The following HMGA2 variants were observed in gnomAD, a reference collection of about 807,000 sequenced individuals.
The protein encoded by HMGA2 is high mobility group AT-hook 2.
HMGA2 carries 8 observed loss-of-function variants against 19.1 expected under a neutral mutation model. The ratio of observed to expected loss-of-function variants is 0.42; its 90% CI spans 0.25 to 0.76. The LOEUF (loss-of-function observed/expected upper bound fraction) is 0.76. HMGA2 is among the 30% of genes least tolerant of loss of function. The pLI, the probability that HMGA2 is intolerant of heterozygous loss-of-function variation, is 0.28. For missense variants in HMGA2, 109 were observed against 136.3 expected (o/e 0.80, Z 1.00); for synonymous variants, 60 against 48.8 (o/e 1.23, Z -0.96).
rs78146312 is a variant in HMGA2, at chr12:65,834,022, T to C, written c.199-4497T>C. On this transcript the variant is annotated intron_variant, in intron 2 of 4. Coordinates refer to ENST00000403681, the MANE Select transcript of HMGA2 (RefSeq NM_003483.6). ...CTCCTTTAATCCTCTGATTTAGGCA[T>C]TGTGGTCTTCATTCCACAAATGAGA... Among the ~76,000 whole-genome samples, 26 of 152,336 alleles carry C rather than the reference T, an allele frequency of 1.7e-4. 1 individual carries two copies. In the East Asian group the frequency reaches 5.0e-3, roughly 29 times the overall value.
intron 3 of HMGA2, among the ~76,000 whole-genome samples, chr12:65,879,402 T>C (rs1208590588): frequency 1.3e-5 from 2 of 152,146 alleles, no homozygotes; most frequent in East Asian, 3.9e-4. Flanking sequence ...AGTGCTGGGA[T>C]TACAGGTGTG....
chr12:65,848,551 A>G (rs1871320660), intron 3 of HMGA2, among the ~76,000 whole-genome samples: 1 of 152,200 alleles, frequency 6.6e-6, no homozygotes, highest in African/African-American at 2.4e-5. Flanking sequence ...ATAGCTAGCA[A>G]TGTTACATAA....
rs545661664 is a variant in HMGA2 at position 65,956,558 on chromosome 12, G to C, written c.282+5143G>C. On this transcript the variant is annotated intron_variant, in intron 4 of 4. Coordinates refer to ENST00000403681, the MANE Select transcript of HMGA2 (RefSeq NM_003483.6). ...CAGTTGTAATACAGGAATATTGGCAGGATGAAGTCAGCGGTTCTTGGCAGG... is the reference window on the plus strand; with the variant it reads ...CAGTTGTAATACAGGAATATTGGCACGATGAAGTCAGCGGTTCTTGGCAGG... 3 of 152,288 alleles carry C rather than the reference G, an allele frequency of 2.0e-5. No homozygotes were observed. In the East Asian group the frequency reaches 5.8e-4, roughly 29 times the overall value. 9.4% of individuals were successfully genotyped at this position (152,288 alleles called of 1,614,324 possible).
intron 2 of HMGA2, among the ~76,000 whole-genome samples, chr12:65,836,420 A>C (rs1316640368): frequency 2.0e-5 from 3 of 152,186 alleles, no homozygotes; most frequent in Admixed American, 6.5e-5. Flanking sequence ...TAGGAGTGAA[A>C]GAACACTTAT....
Position 65,963,698 on chromosome 12 carries a change from T to C in HMGA2, c.*406T>C. 1 of 367,724 alleles carries C rather than the reference T, an allele frequency of 2.7e-6. No homozygotes were observed. Among genetic ancestry groups the C allele is most frequent in the Non-Finnish European group, 5.0e-6 (1 of 198,230 alleles). 22.8% of individuals were successfully genotyped at this position (367,724 alleles called of 1,614,324 possible). On this transcript the variant is annotated 3_prime_UTR_variant, in exon 5 of 5. Coordinates refer to ENST00000403681, the MANE Select transcript of HMGA2 (RefSeq NM_003483.6). ...ATGCAAACAAGAAACGTGTCACACT[T>C]GTGACGTCGGGCATTCATATAGGAA...
chr12:65,923,724 T>C (rs1185011821), intron 3 of HMGA2, among the ~76,000 whole-genome samples: 1 of 152,172 alleles, frequency 6.6e-6, no homozygotes, highest in African/African-American at 2.4e-5. Context: ...AAGAAAGTCA[T>C]TCTCGCCGGG....
At position 65,825,993 on chromosome 12, in the gene HMGA2, C is replaced by G. The variant is rs1227050963; in HGVS notation, c.111+612C>G. 2 of 152,100 alleles carry G rather than the reference C, an allele frequency of 1.3e-5. No homozygotes were observed. Among genetic ancestry groups the G allele is most frequent in the African/African-American group, 4.8e-5 (2 of 41,422 alleles). 9.4% of individuals were successfully genotyped at this position (152,100 alleles called of 1,614,324 possible). A position where few individuals can be genotyped will look rare whatever the true frequency, so the allele number is the denominator to read the frequency against. On this transcript the variant is annotated intron_variant, in intron 1 of 4. Transcript: ENST00000403681. This position sits in a 1 kb window ranked among gnomAD's most constrained non-coding sequence, Gnocchi z 4.4. ...ACCCGGCTGCCTGGTCCTTTTTGGG[C>G]TCTTTAAATATGCGGCGGCCGCCGG...
intron 3 of HMGA2, among the ~76,000 whole-genome samples, chr12:65,849,998 C>T (rs994615300): frequency 1.1e-4 from 17 of 151,986 alleles, no homozygotes; most frequent in African/African-American, 3.9e-4. Flanking sequence ...GGATTACAGG[C>T]GTGAGCCACT....
At chr12:65,961,093 G>T (rs1876737765) in intron 4 of HMGA2, among the ~76,000 whole-genome samples, 1 of 152,332 alleles carries the variant, frequency 6.6e-6, no homozygotes, top group Middle Eastern at 3.4e-3. Flanking sequence ...AATCCAGGAG[G>T]TTTGCCAGCT....
At chr12:65,938,504 TTAATA>T (rs926093351) in intron 3 of HMGA2, among the ~76,000 whole-genome samples, 5 of 152,142 alleles carry the variant, frequency 3.3e-5, no homozygotes, top group Non-Finnish European at 7.3e-5. Context: ...CAAATTATAT[TTAATA>T]TGTCTTTTAA....
chr12:65,897,131 G>T (rs892437925), intron 3 of HMGA2, among the ~76,000 whole-genome samples: 2 of 152,178 alleles, frequency 1.3e-5, no homozygotes, highest in African/African-American at 2.4e-5. Flanking sequence ...CATATTTGTG[G>T]TGTATGTGAG....
At chr12:65,855,450 T>TCACACACACACACA (rs1315312278) in intron 3 of HMGA2, among the ~76,000 whole-genome samples, 2 of 106,066 alleles carry the variant, frequency 1.9e-5, no homozygotes, top group African/African-American at 7.4e-5. Context: ...TCTCTCTCTC[T>TCACACACACACACA]CTCTCTCTCA....
intron 3 of HMGA2, among the ~76,000 whole-genome samples, chr12:65,918,194 G>A (rs1277931401): frequency 6.6e-6 from 1 of 152,188 alleles, no homozygotes. Context: ...GGGTCAAAAT[G>A]ATTTGAAATA....
Position 65,825,620 on chromosome 12 carries a change from G to T in HMGA2, c.111+239G>T, listed in dbSNP as rs1206192998. ...GCGGGCGGCCCGGGGAAGGCGGGAG[G>T]TGGGGTCGGGCGAAGCGCGTCCTCG... is the stretch of plus-strand genomic sequence containing the variant. On this transcript the variant is annotated intron_variant, in intron 1 of 4. Transcript: ENST00000403681. This position sits in a 1 kb window ranked among gnomAD's most constrained non-coding sequence, Gnocchi z 4.4. 6.6e-6 allele frequency among the ~76,000 whole-genome samples: 1 copy of T among 151,678 alleles called. No homozygotes were observed. Among genetic ancestry groups the T allele is most frequent in the African/African-American group, 2.4e-5 (1 of 41,364 alleles).
intron 3 of HMGA2, among the ~76,000 whole-genome samples, chr12:65,923,385 A>T (rs1403074833): frequency 1.3e-5 from 2 of 152,208 alleles, no homozygotes; most frequent in African/African-American, 4.8e-5. Context: ...AGAATGAGGA[A>T]GTGGAATGTT....
intron 3 of HMGA2, among the ~76,000 whole-genome samples, chr12:65,876,577 T>G (rs1309962401): frequency 6.6e-6 from 1 of 152,242 alleles, no homozygotes; most frequent in Non-Finnish European, 1.5e-5. Flanking sequence ...TTGGTTGTTC[T>G]CCATTTCTCT....
chr12:65,932,233 G>A (rs1055851360), intron 3 of HMGA2, among the ~76,000 whole-genome samples: 2 of 152,164 alleles, frequency 1.3e-5, no homozygotes, highest in African/African-American at 4.8e-5. Flanking sequence ...TTGAGTTATT[G>A]CCTTCAAATT....
Position 65,966,127 on chromosome 12 carries a change from A to G in HMGA2, c.*2835A>G, listed in dbSNP as rs533165764. 10 of 211,668 alleles carry G rather than the reference A, an allele frequency of 4.7e-5. No individual in the cohort carries two copies. In the South Asian group the frequency reaches 1.7e-3, roughly 36 times the overall value. 13.1% of individuals were successfully genotyped at this position (211,668 alleles called of 1,614,324 possible). On this transcript the variant is annotated 3_prime_UTR_variant, in exon 5 of 5. Coordinates refer to ENST00000403681, the MANE Select transcript of HMGA2 (RefSeq NM_003483.6). ...TGTTCTTTATGTAGAATTGCTGTCT[A>G]TGATTGTACTTTGAATCGCTTGCTT... is the stretch of plus-strand genomic sequence containing the variant.
intron 3 of HMGA2, among the ~76,000 whole-genome samples, chr12:65,907,607 C>A (rs1375621801): frequency 6.6e-6 from 1 of 152,022 alleles, no homozygotes; most frequent in Non-Finnish European, 1.5e-5. Context: ...GGGAGTTCTT[C>A]ATCAATGACA....
Sources: allele counts gnomAD v4.1 joint callset (sites outside exome capture counted in the v4.1 genomes callset), GRCh38; gene constraint gnomAD v4.1.1; non-coding constraint Gnocchi (gnomAD v3.1); transcripts MANE v1.5; gene names NCBI Gene and HGNC (gene_info 2026-07-23, HGNC 2026-07-21).